ADCY3: variants seen among roughly 807,000 people sequenced by gnomAD.
The protein encoded by ADCY3 is adenylate cyclase 3.
A neutral mutation model predicts 119.4 loss-of-function variants in ADCY3; 70 were observed. That is an observed-to-expected ratio of 0.59 (90% CI 0.48 to 0.72). ADCY3 has a LOEUF of 0.72. Among genes scored for constraint, ADCY3 ranks in the 30% least tolerant of loss-of-function variants. The pLI is 0.00. For missense variants in ADCY3, 1,238 were observed against 1,541.6 expected (o/e 0.80, Z 3.30); for synonymous variants, 672 against 621.4 (o/e 1.08, Z -1.21).
At chr2:24,877,268 C>A (rs1189056990) in intron 2 of ADCY3, among the ~76,000 whole-genome samples, 1 of 152,208 alleles carries the variant, frequency 6.6e-6, no homozygotes, top group African/African-American at 2.4e-5. Flanking sequence ...TACGACTCTA[C>A]ACTCACAGAC....
intron 15 of ADCY3, chr2:24,826,415 C>G (rs1668628748): frequency 9.0e-6 from 3 of 331,908 alleles, no homozygotes; most frequent in South Asian, 1.1e-4. Context: ...CCTGACTGAT[C>G]ACAGAGGTAG....
At position 24,838,443 on chromosome 2, in the gene ADCY3, A is replaced by T. The variant is rs1327712425; in HGVS notation, c.1533+2T>A. 1 of 1,610,602 alleles carries T rather than the reference A, an allele frequency of 6.2e-7. No individual in the cohort carries two copies. The highest frequency in any genetic ancestry group is 1.3e-5 in the African/African-American group (1 of 74,440). On this transcript the variant is annotated splice_donor_variant, in intron 8 of 21. Coordinates refer to ENST00000679454, the MANE Select transcript of ADCY3 (RefSeq NM_004036.5). LOFTEE classifies it high-confidence loss of function. ...GTGGGTGGGGTGGGGTGGGGAACTC[A>T]CCGAGCCATTGAGGCCATTCTGGGT...
intron 19 of ADCY3, 200 bp downstream of exon 19, chr2:24,822,311 G>A: frequency 3.0e-6 from 2 of 675,112 alleles, no homozygotes. Flanking sequence ...AACAGCAGGG[G>A]GTTGTGTGTC....
intron 9 of ADCY3, among the ~76,000 whole-genome samples, chr2:24,836,426 G>A (rs367981553): frequency 4.5e-4 from 68 of 152,338 alleles, no homozygotes; most frequent in African/African-American, 1.4e-3. Context: ...GACGCCCTGC[G>A]GTCAGGGACC....
At chr2:24,904,558 T>G (rs1679259572) in intron 2 of ADCY3, among the ~76,000 whole-genome samples, 1 of 152,038 alleles carries the variant, frequency 6.6e-6, no homozygotes, top group African/African-American at 2.4e-5. Flanking sequence ...TACATGATTC[T>G]TTGTCTCTGT....
At chr2:24,860,817 A>G (rs569790347) in intron 3 of ADCY3, among the ~76,000 whole-genome samples, 1 of 152,200 alleles carries the variant, frequency 6.6e-6, no homozygotes, top group South Asian at 2.1e-4. Flanking sequence ...CAAGAGAGAG[A>G]GCGGGCTCAG....
rs1454891373 is a variant in ADCY3, at chr2:24,920,146, C to T, written c.-661G>A. Among the ~76,000 whole-genome samples, 3 of 146,262 alleles carry T rather than the reference C, an allele frequency of 2.1e-5. No homozygotes were observed. Among genetic ancestry groups the T allele is most frequent in the Non-Finnish European group, 3.0e-5 (2 of 65,752 alleles). On this transcript the variant is annotated 5_prime_UTR_variant, in exon 1 of 22. Coordinates refer to ENST00000679454, the MANE Select transcript of ADCY3 (RefSeq NM_004036.5). The surrounding 1 kb of genome is among the most constrained non-coding windows in gnomAD (Gnocchi z 4.5). Reference sequence around the variant, plus strand: ...AAGCCCGCCAGCATCCTCTCGCCCGCCCGCGCCGAGCCGAGCCAGCCGAGT... The same window carrying T: ...AAGCCCGCCAGCATCCTCTCGCCCGTCCGCGCCGAGCCGAGCCAGCCGAGT...
At position 24,819,785 on chromosome 2, in the gene ADCY3, A is replaced by T; in HGVS notation, c.*147T>A. On this transcript the variant is annotated 3_prime_UTR_variant, in exon 22 of 22. Coordinates refer to ENST00000679454, the MANE Select transcript of ADCY3 (RefSeq NM_004036.5). ...AATAGCAGGGCCACCCTCAGAGCTC[A>T]CACATCCACGAACAAATGAAGGCTG... The T allele has an allele frequency of 1.2e-6, 1 of 838,460 alleles. No homozygotes were observed. Among genetic ancestry groups the T allele is most frequent in the Non-Finnish European group, 1.8e-6 (1 of 541,030 alleles). The allele number at this position is 838,460 out of a possible 1,614,324, so 51.9% of individuals were successfully genotyped here. A position where few individuals can be genotyped will look rare whatever the true frequency, so the allele number is the denominator to read the frequency against.
At chr2:24,832,197 G>C (rs971544523) in intron 11 of ADCY3, 1 of 164,360 alleles carries the variant, frequency 6.1e-6, no homozygotes, top group African/African-American at 2.4e-5. Flanking sequence ...GCCCTGATGA[G>C]ACGGGCCGCC....
intron 20 of ADCY3, 40 bp from the exon 21 acceptor site, chr2:24,820,888 C>CA (rs745735987): frequency 6.2e-7 from 1 of 1,607,888 alleles, no homozygotes; most frequent in Non-Finnish European, 8.5e-7. Context: ...CCACAGGCCA[C>CA]ACCTTGTTAT....
chr2:24,910,265 C>T (rs762237518), intron 2 of ADCY3, among the ~76,000 whole-genome samples: 4 of 152,144 alleles, frequency 2.6e-5, no homozygotes, highest in African/African-American at 4.8e-5. Context: ...TGCAGTGTCA[C>T]GATCATGGCT....
At position 24,916,371 on chromosome 2, in the gene ADCY3, TCCTCAGA is replaced by T. The variant is rs201396984; in HGVS notation, c.675+1935_675+1941del. Among the ~76,000 whole-genome samples, 1,246 of 152,258 alleles carry T rather than the reference TCCTCAGA, an allele frequency of 8.2e-3. 16 individuals carry two copies. The highest frequency in any genetic ancestry group is 0.027 in the African/African-American group (1,132 of 41,554). Reference sequence around the variant, plus strand: ...GAGATGGAGCTAGAGAGACCAGTCATCCTCAGACCTCAGACCTTAGAACCTGGGATGC... The same window carrying T: ...GAGATGGAGCTAGAGAGACCAGTCATCCTCAGACCTTAGAACCTGGGATGC... On this transcript the variant is annotated intron_variant, in intron 2 of 21. Transcript: ENST00000679454.
chr2:24,905,494 CAG>C (rs1457037592), intron 2 of ADCY3, among the ~76,000 whole-genome samples: 3 of 152,114 alleles, frequency 2.0e-5, no homozygotes, highest in African/African-American at 4.8e-5. Context: ...ATTTATTAAA[CAG>C]GGGCTGAGGG....
At chr2:24,867,856 G>A (rs185591396) in intron 3 of ADCY3, among the ~76,000 whole-genome samples, 45 of 152,264 alleles carry the variant, frequency 3.0e-4, no homozygotes, top group Non-Finnish European at 5.6e-4. Flanking sequence ...AAAATATGTT[G>A]AACTAAAACA....
chr2:24,899,766 A>G lies in ADCY3; in HGVS notation c.675+18547T>C, dbSNP rs1678700213. 6.6e-6 allele frequency among the ~76,000 whole-genome samples: 1 copy of G among 152,230 alleles called. No homozygotes were observed. The highest frequency in any genetic ancestry group is 2.4e-5 in the African/African-American group (1 of 41,458). ...AAGAATGTATCTGTCCTAAATGTGC[A>G]TAGAGTCACATAAATATGCAATTCA... On this transcript the variant is annotated intron_variant, in intron 2 of 21. Coordinates refer to ENST00000679454, the MANE Select transcript of ADCY3 (RefSeq NM_004036.5). This position sits in a 1 kb window ranked among gnomAD's most constrained non-coding sequence, Gnocchi z 4.5.
intron 3 of ADCY3, among the ~76,000 whole-genome samples, chr2:24,852,749 G>A (rs542816120): frequency 7.1e-4 from 108 of 152,346 alleles, no homozygotes; most frequent in African/African-American, 2.4e-3. Flanking sequence ...GCCAACGCCC[G>A]CGGAAACTTG....
chr2:24,828,626 C>CTTCT (rs1484417636), intron 13 of ADCY3, among the ~76,000 whole-genome samples: 1 of 152,194 alleles, frequency 6.6e-6, no homozygotes, highest in Admixed American at 6.5e-5. Flanking sequence ...TGTTCACTGC[C>CTTCT]TTCTGGATTC....
At chr2:24,891,880 C>A (rs1311016011) in intron 2 of ADCY3, among the ~76,000 whole-genome samples, 1 of 152,110 alleles carries the variant, frequency 6.6e-6, no homozygotes, top group African/African-American at 2.4e-5. Flanking sequence ...ATAAGTTAAA[C>A]TTTATCATAG....
intron 12 of ADCY3, 42 bp from the exon 13 acceptor site, chr2:24,830,867 T>A: frequency 6.6e-7 from 1 of 1,508,474 alleles, no homozygotes; most frequent in Non-Finnish European, 9.2e-7. Context: ...CCTTTGCCAG[T>A]CCTTTCTCCT....
Sources: allele counts gnomAD v4.1 joint callset (sites outside exome capture counted in the v4.1 genomes callset), GRCh38; gene constraint gnomAD v4.1.1; non-coding constraint Gnocchi (gnomAD v3.1); transcripts MANE v1.5; gene names NCBI Gene and HGNC (gene_info 2026-07-23, HGNC 2026-07-21).